C2orf42: variants seen among roughly 807,000 people sequenced by gnomAD.
C2orf42 encodes the protein uncharacterized protein C2orf42.
Under a neutral mutation model 58.9 loss-of-function variants are expected in C2orf42, and 44 were observed. The observed-to-expected ratio is 0.75, with a 90% CI of 0.59 to 0.96. The LOEUF is 0.96. C2orf42 is among the 40% of genes least tolerant of loss of function. The pLI is 0.00. For missense variants in C2orf42, 630 were observed against 699.2 expected (o/e 0.90, Z 1.12); for synonymous variants, 239 against 265.4 (o/e 0.90, Z 0.97).
intron 8 of C2orf42, among the ~76,000 whole-genome samples, chr2:70,162,605 T>C (rs1020704594): frequency 6.6e-6 from 1 of 151,674 alleles, no homozygotes; most frequent in Non-Finnish European, 1.5e-5. Flanking sequence ...GATTGTGCCC[T>C]GCATTCCAGC....
intron 5 of C2orf42, among the ~76,000 whole-genome samples, chr2:70,173,782 A>G (rs1280246972): frequency 2.6e-5 from 4 of 151,092 alleles, no homozygotes; most frequent in African/African-American, 9.7e-5. Context: ...ACACCCAGCT[A>G]ATTTTTTTTT....
chr2:70,168,632 C>T (rs1673574873), intron 6 of C2orf42, among the ~76,000 whole-genome samples: 1 of 151,344 alleles, frequency 6.6e-6, no homozygotes, highest in South Asian at 2.1e-4. Flanking sequence ...CTGGCTAGAT[C>T]TGAAACTGGT....
intron 9 of C2orf42, among the ~76,000 whole-genome samples, chr2:70,151,828 G>A (rs1480503625): frequency 6.6e-6 from 1 of 151,924 alleles, no homozygotes; most frequent in Non-Finnish European, 1.5e-5. Context: ...TGTTGCCCAG[G>A]CTGGAGTGCA....
chr2:70,168,775 C>T (rs545046738), intron 6 of C2orf42, among the ~76,000 whole-genome samples: 4 of 149,952 alleles, frequency 2.7e-5, no homozygotes, highest in African/African-American at 9.8e-5. Context: ...TGCAATGGTG[C>T]GATCTTGGCT....
chr2:70,163,314 G>A (rs1421904322), intron 8 of C2orf42, among the ~76,000 whole-genome samples: 12 of 146,110 alleles, frequency 8.2e-5, no homozygotes, highest in South Asian at 4.4e-4. Flanking sequence ...GTGCGATCTC[G>A]GCTCACTGCA....
chr2:70,186,676 C>G (rs535064953), intron 1 of C2orf42, among the ~76,000 whole-genome samples: 1 of 152,150 alleles, frequency 6.6e-6, no homozygotes, highest in Non-Finnish European at 1.5e-5. Context: ...CGGCACTATT[C>G]ACAATAGCAA....
In C2orf42 at chr2:70,175,722, C is replaced by T; in HGVS notation, c.990G>A (p.Arg330=). 1 of 1,613,756 alleles carries T rather than the reference C, an allele frequency of 6.2e-7. No individual in the cohort carries two copies. The highest frequency in any genetic ancestry group is 1.3e-5 in the African/African-American group (1 of 75,028). ...LPQDAVSSNL[R]KSGLKKPVVA... ...CCACAGGCTTTTTCAGGCCACTTTT[C>T]CTTAGATTACTGCTCACTGCATCTT... The change falls in exon 5 of 10, where the codon AGG becomes AGA. Residue 330 remains arginine (R), a synonymous_variant. Coordinates refer to ENST00000264434, the MANE Select transcript of C2orf42 (RefSeq NM_017880.3).
intron 4 of C2orf42, among the ~76,000 whole-genome samples, chr2:70,176,452 C>T (rs1055016491): frequency 1.3e-5 from 2 of 150,942 alleles, no homozygotes; most frequent in African/African-American, 2.4e-5. Flanking sequence ...TGCAGTGAGC[C>T]GAGACTGCGC....
chr2:70,160,601 G>A (rs1672991777), intron 9 of C2orf42, 24 bp downstream of exon 9: 1 of 1,569,434 alleles, frequency 6.4e-7, no homozygotes, highest in Non-Finnish European at 8.7e-7. Context: ...CTCAAAGGAA[G>A]ATGCAGTTTT....
intron 6 of C2orf42, among the ~76,000 whole-genome samples, chr2:70,166,106 G>C (rs1673385317): frequency 6.6e-6 from 1 of 151,824 alleles, no homozygotes; most frequent in Non-Finnish European, 1.5e-5. Flanking sequence ...GGCCAGGCTG[G>C]TCTCAAACTC....
chr2:70,162,042 A>G (rs1673083385), intron 8 of C2orf42, among the ~76,000 whole-genome samples: 1 of 151,408 alleles, frequency 6.6e-6, no homozygotes, highest in South Asian at 2.1e-4. Context: ...GATGGAGTCT[A>G]GCTCTGTCAC....
At chr2:70,169,534 C>G in intron 6 of C2orf42, 23 bp downstream of exon 6, 1 of 1,186,402 alleles carries the variant, frequency 8.4e-7, no homozygotes, top group South Asian at 1.2e-5. Context: ...CAGCAAGAGC[C>G]CAGTTAGATG....
intron 9 of C2orf42, among the ~76,000 whole-genome samples, chr2:70,156,129 T>TA (rs1339540951): frequency 6.6e-6 from 1 of 151,938 alleles, no homozygotes; most frequent in African/African-American, 2.4e-5. Context: ...CACTCCAGCC[T>TA]AGGCAATAAG....
At chr2:70,164,911 G>A (rs185129469) in intron 8 of C2orf42, among the ~76,000 whole-genome samples, 181 bp downstream of exon 8, 1 of 151,954 alleles carries the variant, frequency 6.6e-6, no homozygotes, top group East Asian at 1.9e-4. Flanking sequence ...AAGCCATAGG[G>A]AACACACATT....
intron 9 of C2orf42, among the ~76,000 whole-genome samples, chr2:70,155,608 G>T (rs1388225069): frequency 6.6e-6 from 1 of 151,964 alleles, no homozygotes; most frequent in Non-Finnish European, 1.5e-5. Context: ...AGACCAGCCT[G>T]ACCAATATGG....
At chr2:70,177,668 T>G (rs74901047) in intron 4 of C2orf42, among the ~76,000 whole-genome samples, 4,039 of 152,300 alleles carry the variant, frequency 0.027, 183 homozygotes, top group African/African-American at 0.093. Context: ...ATACCAATGA[T>G]TATAGCAATG....
chr2:70,161,791 G>C (rs1230374167), intron 8 of C2orf42, among the ~76,000 whole-genome samples: 1 of 143,284 alleles, frequency 7.0e-6, no homozygotes, highest in Non-Finnish European at 1.5e-5. Context: ...GGTGAGCCAA[G>C]ATCACATGAT....
At chr2:70,177,553 A>G (rs1304853902) in intron 4 of C2orf42, among the ~76,000 whole-genome samples, 1 of 152,162 alleles carries the variant, frequency 6.6e-6, no homozygotes, top group African/African-American at 2.4e-5. Context: ...TCTTTCTTCA[A>G]CTTCCCAGCA....
intron 9 of C2orf42, among the ~76,000 whole-genome samples, chr2:70,157,154 G>A (rs1306810242): frequency 6.6e-6 from 1 of 152,042 alleles, no homozygotes; most frequent in African/African-American, 2.4e-5. Flanking sequence ...TAACAAAGAG[G>A]ACTTAAACAC....
Sources: allele counts gnomAD v4.1 joint callset (sites outside exome capture counted in the v4.1 genomes callset), GRCh38; gene constraint gnomAD v4.1.1; transcripts MANE v1.5; gene names NCBI Gene and HGNC (gene_info 2026-07-23, HGNC 2026-07-21).